Variants in UMAD1 observed in about 807,000 individuals in gnomAD.
UMAD1 encodes UBAP1-MVB12-associated (UMA) domain containing 1, also known as UBAP1-MVB12-associated (UMA)-domain containing protein 1.
Under a neutral mutation model 6.1 loss-of-function variants are expected in UMAD1, and 8 were observed. The observed-to-expected ratio is 1.30, with a 90% CI of 0.76 to 2.35. UMAD1 has a LOEUF of 2.35. UMAD1 is among the 30% of genes most tolerant of loss of function. The pLI, the probability that UMAD1 is intolerant of heterozygous loss-of-function variation, is 0.00. For synonymous variants in UMAD1, 56 were observed against 31.4 expected (o/e 1.78, Z -2.61); for missense variants, 130 against 78.4 (o/e 1.66, Z -2.49).
At chr7:7,667,674 T>C (rs1420388826) in intron 1 of UMAD1, among the ~76,000 whole-genome samples, 1 of 152,216 alleles carries the variant, frequency 6.6e-6, no homozygotes, top group Non-Finnish European at 1.5e-5. Flanking sequence ...AGCATAGAGC[T>C]GAGCAAGGCT....
intron 3 of UMAD1, among the ~76,000 whole-genome samples, chr7:7,855,260 G>A (rs1783994408): frequency 1.3e-5 from 2 of 152,230 alleles, no homozygotes; most frequent in South Asian, 4.1e-4. Flanking sequence ...GTGCCCCAGT[G>A]TGGACTCTGC....
intron 2 of UMAD1, among the ~76,000 whole-genome samples, chr7:7,713,703 A>AAAAATTCT (rs1780822615): frequency 6.6e-6 from 1 of 152,108 alleles, no homozygotes. Context: ...TTAAGCTTTT[A>AAAAATTCT]AAAATTCTAA....
intron 3 of UMAD1, among the ~76,000 whole-genome samples, chr7:7,857,220 C>G (rs928917952): frequency 6.6e-6 from 1 of 152,150 alleles, no homozygotes; most frequent in African/African-American, 2.4e-5. Flanking sequence ...TGTACTTCCC[C>G]TTTTCTTCCA....
chr7:7,658,599 A>G (rs1021539470), intron 1 of UMAD1, among the ~76,000 whole-genome samples: 2 of 152,132 alleles, frequency 1.3e-5, no homozygotes, highest in African/African-American at 4.8e-5. Flanking sequence ...CTCTGTTTAT[A>G]TGCTGGATTA....
At chr7:7,844,139 T>A (rs1056254367) in intron 3 of UMAD1, among the ~76,000 whole-genome samples, 1 of 152,204 alleles carries the variant, frequency 6.6e-6, no homozygotes, top group Non-Finnish European at 1.5e-5. Context: ...ACCACTCTGG[T>A]CGCCTCTTCT....
chr7:7,792,572 A>G (rs1782587069), intron 2 of UMAD1, among the ~76,000 whole-genome samples: 1 of 152,188 alleles, frequency 6.6e-6, no homozygotes, highest in Non-Finnish European at 1.5e-5. Flanking sequence ...GTCATTTTCA[A>G]CAGACTTGGG....
intron 2 of UMAD1, among the ~76,000 whole-genome samples, chr7:7,709,519 CTTGAAG>C (rs1307161554): frequency 6.6e-6 from 1 of 152,166 alleles, no homozygotes; most frequent in Non-Finnish European, 1.5e-5. Context: ...GACTGGGGGA[CTTGAAG>C]TTGAAAGAAA....
chr7:7,650,822 G>A (rs905419412), intron 1 of UMAD1, among the ~76,000 whole-genome samples: 12 of 152,086 alleles, frequency 7.9e-5, no homozygotes, highest in African/African-American at 2.9e-4. Flanking sequence ...AAACTCCTTG[G>A]CATGGCATAT....
chr7:7,799,178 A>T (rs1782748894), intron 2 of UMAD1, among the ~76,000 whole-genome samples: 1 of 152,210 alleles, frequency 6.6e-6, no homozygotes, highest in Non-Finnish European at 1.5e-5. Context: ...AAGGGGTGGA[A>T]AAAAAACTTC....
At chr7:7,861,186 T>C (rs1784109584) in intron 3 of UMAD1, among the ~76,000 whole-genome samples, 1 of 152,176 alleles carries the variant, frequency 6.6e-6, no homozygotes, top group African/African-American at 2.4e-5. Flanking sequence ...TGCACAACAC[T>C]GTGAATTTAC....
chr7:7,779,308 G>C (rs1043927241), intron 2 of UMAD1, among the ~76,000 whole-genome samples: 2 of 151,848 alleles, frequency 1.3e-5, no homozygotes, highest in Non-Finnish European at 2.9e-5. Context: ...AGATAGTCTA[G>C]CTCTGTCACC....
chr7:7,825,295 C>T (rs961985839), intron 3 of UMAD1, among the ~76,000 whole-genome samples: 3 of 152,162 alleles, frequency 2.0e-5, no homozygotes, highest in Admixed American at 6.6e-5. Context: ...TAAAGTGTAA[C>T]TCTTCTCAGA....
chr7:7,854,280 G>A (rs191623182), intron 3 of UMAD1, among the ~76,000 whole-genome samples: 83 of 150,066 alleles, frequency 5.5e-4, no homozygotes, highest in African/African-American at 1.9e-3. Flanking sequence ...GCTTTAACCC[G>A]GGAGGCAGAG....
intron 1 of UMAD1, among the ~76,000 whole-genome samples, chr7:7,666,127 T>C (rs1779447714): frequency 6.6e-6 from 1 of 152,308 alleles, no homozygotes; most frequent in Non-Finnish European, 1.5e-5. Flanking sequence ...ACCACAAGTG[T>C]ACAAGAGTTC....
intron 2 of UMAD1, among the ~76,000 whole-genome samples, chr7:7,756,786 C>G (rs552796102): frequency 3.2e-4 from 49 of 152,354 alleles, no homozygotes; most frequent in African/African-American, 1.2e-3. Flanking sequence ...CTGCTAGACA[C>G]TTATACTGTT....
At chr7:7,804,914 G>C (rs1033240954) in intron 3 of UMAD1, among the ~76,000 whole-genome samples, 2 of 152,070 alleles carry the variant, frequency 1.3e-5, no homozygotes, top group East Asian at 1.9e-4. Flanking sequence ...CTGGGAGGCG[G>C]GGGTTGCAGT....
chr7:7,701,389 A>G (rs2115154416), intron 2 of UMAD1, among the ~76,000 whole-genome samples: 1 of 151,260 alleles, frequency 6.6e-6, no homozygotes, highest in East Asian at 1.9e-4. Context: ...CACTACAGAC[A>G]ATCTATGTGA....
At chr7:7,760,453 A>G (rs1781865055) in intron 2 of UMAD1, among the ~76,000 whole-genome samples, 1 of 145,048 alleles carries the variant, frequency 6.9e-6, no homozygotes, top group Non-Finnish European at 1.5e-5. Context: ...AATAATAATA[A>G]TTGTCTTGAG....
chr7:7,872,893 G>C (rs892114683), intron 3 of UMAD1, among the ~76,000 whole-genome samples: 8 of 152,184 alleles, frequency 5.3e-5, no homozygotes, highest in Non-Finnish European at 1.0e-4. Context: ...TTACACATGA[G>C]ATTAAGAGAG....
Sources: gnomAD v4.1 joint callset for allele counts (sites outside exome capture counted in the v4.1 genomes callset) on GRCh38, gnomAD v4.1.1 for gene constraint, MANE v1.5 for transcripts, NCBI Gene and HGNC (gene_info 2026-07-23, HGNC 2026-07-21) for gene names.